Variants in PAPPA observed in about 807,000 individuals in gnomAD.
The protein encoded by PAPPA is pappalysin 1.
A neutral mutation model predicts 164.0 loss-of-function variants in PAPPA; 60 were observed. That is an observed-to-expected ratio of 0.37 (90% CI 0.30 to 0.45). The LOEUF is 0.45. Among genes scored for constraint, PAPPA ranks in the 20% least tolerant of loss-of-function variants. The probability of loss-of-function intolerance (pLI) is 1.00; values close to 1 mark genes in which losing one functional copy is unlikely to be tolerated. For synonymous variants in PAPPA, 875 were observed against 814.1 expected (o/e 1.07, Z -1.27); for missense variants, 1,782 against 2,087.3 (o/e 0.85, Z 2.85).
chr9:116,158,358 C>T (rs939665722), intron 1 of PAPPA, among the ~76,000 whole-genome samples: 8 of 152,224 alleles, frequency 5.3e-5, no homozygotes, highest in Non-Finnish European at 7.4e-5. Flanking sequence ...CAAGGCTTTT[C>T]CCCAGTATCT....
rs1487731070 is a variant in PAPPA, at chr9:116,402,090, G to A, written c.*5474G>A. 2 of 151,876 alleles carry A rather than the reference G, an allele frequency of 1.3e-5. No homozygotes were observed. Among genetic ancestry groups the A allele is most frequent in the East Asian group, 3.9e-4 (2 of 5,152 alleles). 9.4% of individuals were successfully genotyped at this position (151,876 alleles called of 1,614,324 possible). A position where few individuals can be genotyped will look rare whatever the true frequency, so the allele number is the denominator to read the frequency against. Reference sequence around the variant, plus strand: ...TTTTTTAATTTATATTTACACAATTGTTCATCTAATTTATTTTTTCTATAC... The same window carrying A: ...TTTTTTAATTTATATTTACACAATTATTCATCTAATTTATTTTTTCTATAC... On this transcript the variant is annotated 3_prime_UTR_variant, in exon 22 of 22. Transcript: ENST00000328252.
intron 20 of PAPPA, 33 bp from the exon 21 acceptor site, chr9:116,382,362 G>A (rs906691730): frequency 2.9e-6 from 4 of 1,372,580 alleles, no homozygotes; most frequent in Admixed American, 3.4e-5. Flanking sequence ...ATGCTAACAA[G>A]GCCTCATTTC....
At chr9:116,277,834 A>G (rs1170064844) in intron 9 of PAPPA, among the ~76,000 whole-genome samples, 1 of 152,004 alleles carries the variant, frequency 6.6e-6, no homozygotes, top group African/African-American at 2.4e-5. Context: ...GTGCCACCAC[A>G]CCCAGCTACT....
rs983926081 is a variant in PAPPA at position 116,396,698 on chromosome 9, C to T, written c.*82C>T. On this transcript the variant is annotated 3_prime_UTR_variant, in exon 22 of 22. Transcript: ENST00000328252. ...ATTGATTTCACAGTCAGCTGCTCAA[C>T]GGAATGGCCTCTCCACACCAGGGAT... 1.7e-5 allele frequency: 12 copies of T among 725,024 alleles called. No individual in the cohort carries two copies. The highest frequency in any genetic ancestry group is 2.5e-5 in the East Asian group (1 of 40,078). 44.9% of individuals were successfully genotyped at this position (725,024 alleles called of 1,614,324 possible).
intron 1 of PAPPA, among the ~76,000 whole-genome samples, chr9:116,166,934 A>C (rs1843725347): frequency 6.6e-6 from 1 of 152,206 alleles, no homozygotes; most frequent in East Asian, 1.9e-4. Context: ...AAACATTTGA[A>C]GAATGTAGAA....
chr9:116,254,060 A>G (rs1198107324), intron 7 of PAPPA, among the ~76,000 whole-genome samples: 1 of 152,172 alleles, frequency 6.6e-6, no homozygotes, highest in African/African-American at 2.4e-5. Context: ...TCTCCAGTCA[A>G]GCCAGTATAC....
At chr9:116,222,521 G>C (rs528428682) in intron 5 of PAPPA, among the ~76,000 whole-genome samples, 10 of 152,188 alleles carry the variant, frequency 6.6e-5, no homozygotes, top group African/African-American at 2.2e-4. Context: ...CCTTAAAAGC[G>C]GGAAAATTCT....
intron 21 of PAPPA, among the ~76,000 whole-genome samples, chr9:116,395,487 A>G (rs1454659241): frequency 6.6e-6 from 1 of 152,186 alleles, no homozygotes; most frequent in Non-Finnish European, 1.5e-5. Context: ...GGGGAAAGTT[A>G]TATGCAAATG....
chr9:116,396,018 T>C, intron 21 of PAPPA, among the ~76,000 whole-genome samples: 1 of 152,190 alleles, frequency 6.6e-6, no homozygotes, highest in East Asian at 1.9e-4. Context: ...ACCCATGATT[T>C]TACTCAGCTC....
intron 1 of PAPPA, among the ~76,000 whole-genome samples, chr9:116,155,958 G>T (rs910091614): frequency 7.3e-5 from 11 of 150,914 alleles, no homozygotes; most frequent in Admixed American, 2.0e-4. Flanking sequence ...CTTTTAACTC[G>T]CAAGCCCTAT....
intron 18 of PAPPA, 145 bp downstream of exon 18, chr9:116,362,884 A>C: frequency 6.8e-6 from 5 of 738,332 alleles, no homozygotes; most frequent in Non-Finnish European, 1.1e-5. Context: ...AGTGTAGACC[A>C]TGTCCTCCCA....
intron 1 of PAPPA, among the ~76,000 whole-genome samples, chr9:116,178,633 C>T (rs554779090): frequency 1.3e-5 from 2 of 152,168 alleles, no homozygotes; most frequent in African/African-American, 2.4e-5. Context: ...ACAGATCAGC[C>T]TCACACCACT....
chr9:116,183,579 T>C (rs1015227669), intron 1 of PAPPA, among the ~76,000 whole-genome samples: 1 of 152,132 alleles, frequency 6.6e-6, no homozygotes, highest in Admixed American at 6.5e-5. Flanking sequence ...GTTATGTTCA[T>C]ATAGAAATAA....
At chr9:116,356,736 C>G (rs999295120) in intron 17 of PAPPA, among the ~76,000 whole-genome samples, 6 of 152,070 alleles carry the variant, frequency 3.9e-5, no homozygotes, top group Non-Finnish European at 5.9e-5. Flanking sequence ...GGTACCAGTA[C>G]CATGCTGTTT....
chr9:116,319,700 G>A (rs1406340070), intron 10 of PAPPA, among the ~76,000 whole-genome samples: 1 of 152,090 alleles, frequency 6.6e-6, no homozygotes, highest in Admixed American at 6.5e-5. Context: ...GAATGGACTG[G>A]GAATAGGAGA....
intron 1 of PAPPA, among the ~76,000 whole-genome samples, chr9:116,174,052 A>T (rs1014158270): frequency 6.6e-6 from 1 of 151,904 alleles, no homozygotes; most frequent in African/African-American, 2.4e-5. Flanking sequence ...AGTTATTTGG[A>T]CTCTCTGAGT....
chr9:116,161,666 A>G (rs1263262546), intron 1 of PAPPA, among the ~76,000 whole-genome samples: 1 of 148,302 alleles, frequency 6.7e-6, no homozygotes, highest in Non-Finnish European at 1.5e-5. Flanking sequence ...GGGTAAAATT[A>G]TGTTTTGTCT....
chr9:116,198,738 C>T (rs930496889), intron 2 of PAPPA, among the ~76,000 whole-genome samples: 3 of 152,148 alleles, frequency 2.0e-5, no homozygotes, highest in African/African-American at 7.2e-5. Context: ...GCTTTCTGTC[C>T]TAACAATCTC....
At chr9:116,171,305 G>T (rs1283256292) in intron 1 of PAPPA, among the ~76,000 whole-genome samples, 1 of 152,174 alleles carries the variant, frequency 6.6e-6, no homozygotes, top group Non-Finnish European at 1.5e-5. Flanking sequence ...TGATGTAGCA[G>T]AATGCCCTTG....
Sources: gnomAD v4.1 joint callset for allele counts (sites outside exome capture counted in the v4.1 genomes callset) on GRCh38, gnomAD v4.1.1 for gene constraint, MANE v1.5 for transcripts, NCBI Gene and HGNC (gene_info 2026-07-23, HGNC 2026-07-21) for gene names.